The following TRPM6 variants were observed in gnomAD, a reference collection of about 807,000 sequenced individuals.
The protein encoded by TRPM6 is transient receptor potential cation channel subfamily M member 6.
A neutral mutation model predicts 247.6 loss-of-function variants in TRPM6; 111 were observed. The observed-to-expected ratio is 0.45, with a 90% CI of 0.38 to 0.52. The LOEUF (loss-of-function observed/expected upper bound fraction) is 0.52, where lower values mean the gene tolerates loss of function less well. TRPM6 is among the 20% of genes least tolerant of loss of function. The probability of loss-of-function intolerance (pLI) is 0.00; values close to 1 mark genes in which losing one functional copy is unlikely to be tolerated. For synonymous variants in TRPM6, 892 were observed against 853.8 expected (o/e 1.04, Z -0.78); for missense variants, 2,126 against 2,421.5 (o/e 0.88, Z 2.56).
At chr9:74,755,291 G>A in intron 28 of TRPM6, 62 bp downstream of exon 28, 1 of 1,584,914 alleles carries the variant, frequency 6.3e-7, no homozygotes, top group East Asian at 2.2e-5. Context: ...ATGGTCTAAA[G>A]ACCGTACCCT....
At chr9:74,832,021 T>C (rs909047622) in intron 6 of TRPM6, among the ~76,000 whole-genome samples, 1 of 152,164 alleles carries the variant, frequency 6.6e-6, no homozygotes, top group Non-Finnish European at 1.5e-5. Flanking sequence ...CAACGACTGC[T>C]AACATTATAA....
rs776730847 is a variant in TRPM6, at chr9:74,816,948, G to A, written c.1151C>T (p.Ala384Val). The change falls in exon 10 of 39, where the codon GCT (alanine) becomes GTT (valine). Residue 384 changes from alanine (A) to valine (V), a missense_variant. Coordinates refer to ENST00000360774, the MANE Select transcript of TRPM6 (RefSeq NM_017662.5). ...CAGGTCTTGCTGCTCTTCAGAGTCA[G>A]CATCAAATATGGTAATCTACAACAG... is the stretch of plus-strand genomic sequence containing the variant. ...VHRDCITIFD[A>V]DSEEQQDLDL... 11 of 1,613,864 alleles carry A rather than the reference G, an allele frequency of 6.8e-6. No homozygotes were observed. In the East Asian group the frequency reaches 2.0e-4, roughly 29 times the overall value.
Position 74,724,544 on chromosome 9 carries a change from A to T in TRPM6, c.*69T>A, listed in dbSNP as rs1825251675. Reference sequence around the variant, plus strand: ...CGCTGATGTAATCAACATCACGTTGATCAATCTATGTTATCACAGAGTTCC... The same window carrying T: ...CGCTGATGTAATCAACATCACGTTGTTCAATCTATGTTATCACAGAGTTCC... On this transcript the variant is annotated 3_prime_UTR_variant, in exon 39 of 39. Transcript: ENST00000360774. The T allele has an allele frequency of 6.2e-7, 1 of 1,610,514 alleles. No homozygotes were observed. Among genetic ancestry groups the T allele is most frequent in the Non-Finnish European group, 8.5e-7 (1 of 1,177,512 alleles).
intron 36 of TRPM6, among the ~76,000 whole-genome samples, chr9:74,735,146 A>T (rs1299118797): frequency 6.6e-6 from 1 of 151,986 alleles, no homozygotes; most frequent in African/African-American, 2.4e-5. Flanking sequence ...GTTAGAGCCC[A>T]GGAGGTTGAG....
rs1828287440 is a variant in TRPM6 at position 74,800,500 on chromosome 9, A to G, written c.2010-18T>C. 6.3e-7 allele frequency: 1 copy of G among 1,592,950 alleles called. No individual in the cohort carries two copies. Among genetic ancestry groups the G allele is most frequent in the Non-Finnish European group, 8.6e-7 (1 of 1,160,922 alleles). On this transcript the variant is annotated intron_variant, in intron 16 of 38. Coordinates refer to ENST00000360774, the MANE Select transcript of TRPM6 (RefSeq NM_017662.5). The stretch of plus-strand genomic sequence containing the variant: ...CAAACTGTCTGCCATGAGGGTGGCC[A>G]ATTAAGAAAACAAAGGCAGGTGAGA...
intron 3 of TRPM6, among the ~76,000 whole-genome samples, chr9:74,853,184 C>G (rs139611291): frequency 0.31 from 46,648 of 151,330 alleles, 8,388 homozygotes; most frequent in East Asian, 0.5. Flanking sequence ...CCGGCCGCCC[C>G]GTCTGAGAAG....
chr9:74,809,133 C>A lies in TRPM6; in HGVS notation c.1498-959G>T, dbSNP rs559055101. Reference sequence around the variant, plus strand: ...CCTTAGAGATATTGCGGGTTCAGTTCGAGACCACCACAATAAAGAGAATAT... The same window carrying A: ...CCTTAGAGATATTGCGGGTTCAGTTAGAGACCACCACAATAAAGAGAATAT... On this transcript the variant is annotated intron_variant, in intron 13 of 38. Coordinates refer to ENST00000360774, the MANE Select transcript of TRPM6 (RefSeq NM_017662.5). Among the ~76,000 whole-genome samples, 38 of 152,140 alleles carry A rather than the reference C, an allele frequency of 2.5e-4. No individual in the cohort carries two copies. The South Asian group carries it at 7.7e-3, about 31-fold the overall frequency.
intron 1 of TRPM6, among the ~76,000 whole-genome samples, chr9:74,879,205 C>A (rs1831283587): frequency 6.6e-6 from 1 of 151,524 alleles, no homozygotes; most frequent in African/African-American, 2.4e-5. Flanking sequence ...AAAGCTTCAA[C>A]AATAGACTCA....
chr9:74,807,126 T>A (rs1486403867), intron 14 of TRPM6, among the ~76,000 whole-genome samples: 1 of 152,206 alleles, frequency 6.6e-6, no homozygotes, highest in Non-Finnish European at 1.5e-5. Flanking sequence ...CCTGTTTTGC[T>A]TTTTCATTTC....
chr9:74,787,782 C>T (rs1397694776), intron 20 of TRPM6, among the ~76,000 whole-genome samples: 1 of 152,226 alleles, frequency 6.6e-6, no homozygotes, highest in African/African-American at 2.4e-5. Flanking sequence ...GTGGTGCGAT[C>T]TTGGCTCACT....
chr9:74,782,159 G>C lies in TRPM6; in HGVS notation c.3209+203C>G, dbSNP rs116415761. Among the ~76,000 whole-genome samples, 1,206 of 152,200 alleles carry C rather than the reference G, an allele frequency of 7.9e-3. 10 individuals are homozygous for C. The highest frequency in any genetic ancestry group is 0.028 in the African/African-American group (1,155 of 41,500). On this transcript the variant is annotated intron_variant, in intron 23 of 38. Transcript: ENST00000360774. ...GAACAAGTCCTCCACAGATAACGAT[G>C]GATGACTGCATTTATTATTTCACTG...
At position 74,761,731 on chromosome 9, in the gene TRPM6, T is replaced by C. The variant is rs2274924; in HGVS notation, c.4750A>G (p.Lys1584Glu). 0.18 allele frequency: 293,978 copies of C among 1,611,138 alleles called. 31,413 individuals are homozygous for C. The highest frequency in any genetic ancestry group is 0.4 in the African/African-American group (29,578 of 74,844). ...KMLTKDRRLSKKKKNTQGLQV... is the reference protein window; with the variant it reads ...KMLTKDRRLSEKKKNTQGLQV... Reference sequence around the variant, plus strand: ...AGTCCTTGAGTATTCTTCTTTTTCTTTGACAGTCTCCTGTCTTTGGTTAGC... The same window carrying C: ...AGTCCTTGAGTATTCTTCTTTTTCTCTGACAGTCTCCTGTCTTTGGTTAGC... Residue 1584 changes from lysine to glutamate, a missense_variant, in exon 27 of 39, where the codon AAG becomes GAG. This residue lies in a region of TRPM6 where 717 missense variants were observed against 715.9 expected (regional missense o/e 1.00). Transcript: ENST00000360774.
At chr9:74,859,012 C>G (rs192767868) in intron 1 of TRPM6, among the ~76,000 whole-genome samples, 327 of 152,292 alleles carry the variant, frequency 2.1e-3, no homozygotes, top group African/African-American at 7.5e-3. Context: ...GAACAAACCC[C>G]TAGCAAGGAA....
At chr9:74,817,803 C>A (rs1401291648) in intron 9 of TRPM6, among the ~76,000 whole-genome samples, 1 of 152,058 alleles carries the variant, frequency 6.6e-6, no homozygotes, top group Non-Finnish European at 1.5e-5. Flanking sequence ...AAATACATTT[C>A]ATATAGTAGA....
At position 74,761,301 on chromosome 9, in the gene TRPM6, C is replaced by G. The variant is rs140839280; in HGVS notation, c.4785+395G>C. Reference sequence around the variant, plus strand: ...ATTAAAACATATGTCCACAAAAAGACTTGTACACAAATGTTCATAACAGCT... The same window carrying G: ...ATTAAAACATATGTCCACAAAAAGAGTTGTACACAAATGTTCATAACAGCT... On this transcript the variant is annotated intron_variant, in intron 27 of 38. Transcript: ENST00000360774. Among the ~76,000 whole-genome samples, 1,505 of 152,312 alleles carry G rather than the reference C, an allele frequency of 9.9e-3. 33 individuals are homozygous for G. The highest frequency in any genetic ancestry group is 0.035 in the African/African-American group (1,446 of 41,562).
chr9:74,864,336 G>C (rs1830780554), intron 1 of TRPM6, among the ~76,000 whole-genome samples: 1 of 152,146 alleles, frequency 6.6e-6, no homozygotes, highest in African/African-American at 2.4e-5. Context: ...TCAATCTGTT[G>C]GCTCAGGGAA....
At chr9:74,845,813 C>A (rs1181143185) in intron 3 of TRPM6, among the ~76,000 whole-genome samples, 1 of 152,188 alleles carries the variant, frequency 6.6e-6, no homozygotes, top group African/African-American at 2.4e-5. Flanking sequence ...GGCAACAAAG[C>A]AAAACTCTGT....
At chr9:74,794,840 A>ATT (rs971044636) in intron 18 of TRPM6, among the ~76,000 whole-genome samples, 4 of 151,940 alleles carry the variant, frequency 2.6e-5, no homozygotes, top group Non-Finnish European at 5.9e-5. Flanking sequence ...AATAACTTTT[A>ATT]TTATATATAT....
intron 36 of TRPM6, among the ~76,000 whole-genome samples, chr9:74,736,335 A>G (rs1825692646): frequency 6.6e-6 from 1 of 152,176 alleles, no homozygotes; most frequent in South Asian, 2.1e-4. Flanking sequence ...GCTGCTGGTG[A>G]GCCTCTGTCT....
Sources: gnomAD v4.1 joint callset for allele counts (sites outside exome capture counted in the v4.1 genomes callset) on GRCh38, gnomAD v4.1.1 for gene constraint, gnomAD v4.1.1 regional missense constraint, MANE v1.5 for transcripts, NCBI Gene and HGNC (gene_info 2026-07-23, HGNC 2026-07-21) for gene names.